CMTR1: variants seen among roughly 807,000 people sequenced by gnomAD.
CMTR1 encodes cap methyltransferase 1, also known as cap-specific mRNA (nucleoside-2'-O-)-methyltransferase 1.
Under a neutral mutation model 107.0 loss-of-function variants are expected in CMTR1, and 39 were observed. That is an observed-to-expected ratio of 0.36 (90% confidence interval 0.28 to 0.48). CMTR1 has a LOEUF of 0.48. Ranked by LOEUF, CMTR1 falls within the 20% of genes least tolerant of loss-of-function variation. The pLI is 0.99. For missense variants in CMTR1, 672 were observed against 1,064.9 expected, an observed-to-expected ratio of 0.63 and a Z score of 5.14; for synonymous variants, 366 against 379.5, an observed-to-expected ratio of 0.96 and a Z score of 0.41.
rs534510745 is a variant in CMTR1 at position 37,465,278 on chromosome 6, A to T, written c.1505+2270A>T. 2.0e-5 allele frequency among the ~76,000 whole-genome samples: 3 copies of T among 151,782 alleles called. No homozygotes were observed. The East Asian group carries it at 5.8e-4, about 29-fold the overall frequency. On this transcript the variant is annotated intron_variant, in intron 13 of 23. Transcript: ENST00000373451. ...GAGACTCTGTCTCAAAAAAAAAAAA[A>T]GTATATTATATATAAAAACAATAGA... is the stretch of plus-strand genomic sequence containing the variant.
At chr6:37,470,368 G>A (rs1739132441) in intron 13 of CMTR1, among the ~76,000 whole-genome samples, 1 of 151,758 alleles carries the variant, frequency 6.6e-6, no homozygotes. Flanking sequence ...GGATGGTCTT[G>A]ATCTCCTGAC....
intron 10 of CMTR1, among the ~76,000 whole-genome samples, chr6:37,460,779 A>G (rs1210601067): frequency 6.6e-6 from 1 of 152,146 alleles, no homozygotes; most frequent in Non-Finnish European, 1.5e-5. Flanking sequence ...GTCTATTCAC[A>G]CTGTTGTGCA....
intron 5 of CMTR1, among the ~76,000 whole-genome samples, chr6:37,450,910 A>G (rs1199500467): frequency 6.6e-6 from 1 of 152,208 alleles, no homozygotes; most frequent in African/African-American, 2.4e-5. Flanking sequence ...TTCTCTCACA[A>G]GTGTTCAGTG....
intron 13 of CMTR1, among the ~76,000 whole-genome samples, chr6:37,468,281 C>T (rs956929846): frequency 3.3e-5 from 5 of 151,842 alleles, no homozygotes; most frequent in African/African-American, 9.7e-5. Context: ...CCTTACAACA[C>T]GATACATGCT....
At chr6:37,435,925 G>T (rs1224450774) in intron 2 of CMTR1, among the ~76,000 whole-genome samples, 163 bp downstream of exon 2, 1 of 152,184 alleles carries the variant, frequency 6.6e-6, no homozygotes, top group Admixed American at 6.5e-5. Context: ...TTTCCCTTCT[G>T]CCATTCTCCT....
chr6:37,451,293 T>C (rs1467796604), intron 5 of CMTR1, among the ~76,000 whole-genome samples: 2 of 151,844 alleles, frequency 1.3e-5, no homozygotes, highest in African/African-American at 4.8e-5. Flanking sequence ...AGAGATTGAG[T>C]TTTACTGGTT....
rs1248600937 is a variant in CMTR1 at position 37,459,474 on chromosome 6, G to A, written c.977-92G>A. On this transcript the variant is annotated intron_variant, in intron 9 of 23. Transcript: ENST00000373451. ...ATGGGCCCTAGTTCTTGAGACACCTGATGCCCGTCTTCACTGACCCAGAGC... is the reference window on the plus strand; with the variant it reads ...ATGGGCCCTAGTTCTTGAGACACCTAATGCCCGTCTTCACTGACCCAGAGC... 4 of 1,029,690 alleles carry A rather than the reference G, an allele frequency of 3.9e-6. No homozygotes were observed. The African/African-American group carries it at 6.3e-5, about 16-fold the overall frequency. 63.8% of individuals were successfully genotyped at this position (1,029,690 alleles called of 1,614,324 possible).
At chr6:37,460,562 G>A (rs865829583) in intron 10 of CMTR1, among the ~76,000 whole-genome samples, 1 of 151,836 alleles carries the variant, frequency 6.6e-6, no homozygotes, top group South Asian at 2.1e-4. Flanking sequence ...CCATAATCAG[G>A]CATGCATTTT....
In CMTR1 at chr6:37,476,181, A is replaced by G. The variant is rs866865968; in HGVS notation, c.2092A>G (p.Met698Val). 14 of 1,614,020 alleles carry G rather than the reference A, an allele frequency of 8.7e-6. No homozygotes were observed. The highest frequency in any genetic ancestry group is 1.3e-5 in the African/African-American group (1 of 74,912). ...CGTTTCCAAGCCTAGTCGGCCCGAC[A>G]TGAATCCCATCAGGTGAGCATGTGG... is the stretch of plus-strand genomic sequence containing the variant. ...KAVSKPSRPDMNPIRVKEVYR... is the reference protein window; with the variant it reads ...KAVSKPSRPDVNPIRVKEVYR... Residue 698 changes from methionine (M) to valine (V), a missense_variant, in exon 20 of 24, where the codon ATG (methionine) becomes GTG (valine). Met to Val is a conservative substitution (Grantham distance 21, BLOSUM62 1). Coordinates refer to ENST00000373451, the MANE Select transcript of CMTR1 (RefSeq NM_015050.3).
Position 37,480,251 on chromosome 6 carries a change from G to T in CMTR1, c.*106G>T. ...TTCCCCCTCTTGAAAAGGGACTGGG[G>T]AGCATTGCACCTGGCATGAGGAGTG... On this transcript the variant is annotated 3_prime_UTR_variant, in exon 24 of 24. Transcript: ENST00000373451. The T allele has an allele frequency of 6.5e-7, 1 of 1,526,960 alleles. No individual in the cohort carries two copies. The highest frequency in any genetic ancestry group is 8.7e-7 in the Non-Finnish European group (1 of 1,152,202). The allele number at this position is 1,526,960 out of a possible 1,614,324, so 94.6% of individuals were successfully genotyped here. A position where few individuals can be genotyped will look rare whatever the true frequency, so the allele number is the denominator to read the frequency against.
At chr6:37,434,826 G>C (rs919903154) in intron 1 of CMTR1, among the ~76,000 whole-genome samples, 2 of 152,090 alleles carry the variant, frequency 1.3e-5, no homozygotes, top group Non-Finnish European at 2.9e-5. Context: ...TGGCCAGGCT[G>C]GTCTTGAACT....
intron 18 of CMTR1, 59 bp from the exon 19 acceptor site, chr6:37,475,262 A>C: frequency 1.5e-6 from 2 of 1,293,892 alleles, no homozygotes; most frequent in Non-Finnish European, 2.2e-6. Context: ...CATGGTGGGT[A>C]GTGGGGGCTG....
chr6:37,467,389 T>C (rs1282909777), intron 13 of CMTR1, among the ~76,000 whole-genome samples: 1 of 152,230 alleles, frequency 6.6e-6, no homozygotes, highest in East Asian at 1.9e-4. Flanking sequence ...TTTGATCCTT[T>C]GAAACTTAAT....
intron 10 of CMTR1, among the ~76,000 whole-genome samples, chr6:37,460,458 C>T (rs1354014072): frequency 6.6e-6 from 1 of 151,244 alleles, no homozygotes; most frequent in African/African-American, 2.4e-5. Flanking sequence ...TGTTGCTGTG[C>T]GGCAGCTATA....
intron 1 of CMTR1, among the ~76,000 whole-genome samples, chr6:37,433,886 G>C (rs978011274): frequency 6.6e-5 from 10 of 152,194 alleles, no homozygotes; most frequent in Admixed American, 6.5e-4. Context: ...TGATAGGGTT[G>C]GATGAGATGA....
intron 13 of CMTR1, among the ~76,000 whole-genome samples, chr6:37,467,948 G>A (rs1027165868): frequency 9.2e-5 from 14 of 151,498 alleles, no homozygotes; most frequent in Non-Finnish European, 2.1e-4. Context: ...CATTTACATT[G>A]AGTGTAATTA....
At chr6:37,450,414 T>G in intron 5 of CMTR1, 71 bp downstream of exon 5, 1 of 1,129,838 alleles carries the variant, frequency 8.9e-7, no homozygotes, top group Non-Finnish European at 1.3e-6. Flanking sequence ...GAGTCTGGTA[T>G]TTACATACAC....
intron 13 of CMTR1, among the ~76,000 whole-genome samples, chr6:37,468,064 G>GA (rs1554122031): frequency 2.1e-5 from 3 of 142,092 alleles, no homozygotes; most frequent in African/African-American, 7.6e-5. Context: ...TGGGGGGGGG[G>GA]ACTAATTCAG....
upstream of CMTR1, among the ~76,000 whole-genome samples, chr6:37,429,389 T>G (rs764506094): frequency 4.2e-4 from 64 of 152,346 alleles, no homozygotes; most frequent in Non-Finnish European, 7.8e-4. Context: ...CTTAACCATT[T>G]TTAAGTGTTG....
Sources: gnomAD v4.1 joint callset for allele counts (sites outside exome capture counted in the v4.1 genomes callset) on GRCh38, gnomAD v4.1.1 for gene constraint, MANE v1.5 for transcripts, NCBI Gene and HGNC (gene_info 2026-07-23, HGNC 2026-07-21) for gene names.